The following GNAQ variants were observed in gnomAD, a reference collection of about 807,000 sequenced individuals.
GNAQ encodes the protein guanine nucleotide-binding protein G(q) subunit alpha.
Under a neutral mutation model 43.9 loss-of-function variants are expected in GNAQ, and 8 were observed. The observed-to-expected ratio is 0.18, with a 90% CI of 0.11 to 0.33. The LOEUF is 0.33. GNAQ is among the 10% of genes least tolerant of loss of function. GNAQ has a pLI of 1.00. For synonymous variants in GNAQ, 155 were observed against 170.7 expected (o/e 0.91, Z 0.71); for missense variants, 158 against 450.8 (o/e 0.35, Z 5.88).
At position 77,724,204 on chromosome 9, in the gene GNAQ, T is replaced by C. The variant is rs141104963; in HGVS notation, c.890-2691A>G. 7.7e-3 allele frequency among the ~76,000 whole-genome samples: 1,175 copies of C among 152,226 alleles called. 21 individuals are homozygous for C. The highest frequency in any genetic ancestry group is 0.027 in the African/African-American group (1,116 of 41,530). On this transcript the variant is annotated intron_variant, in intron 6 of 6. Coordinates refer to ENST00000286548, the MANE Select transcript of GNAQ (RefSeq NM_002072.5). The stretch of plus-strand genomic sequence containing the variant: ...CCAAGCAATAAGAAACTTTTTTTTT[T>C]CCTTGAGACAGAGTTTCACTGTGTT...
chr9:77,909,571 T>C (rs1828765745), intron 2 of GNAQ, among the ~76,000 whole-genome samples: 1 of 152,036 alleles, frequency 6.6e-6, no homozygotes, highest in Admixed American at 6.6e-5. Context: ...CAGAAGCAGA[T>C]AACCTACCAG....
intron 6 of GNAQ, among the ~76,000 whole-genome samples, chr9:77,722,797 T>C (rs1236707954): frequency 1.3e-5 from 2 of 151,908 alleles, no homozygotes; most frequent in African/African-American, 2.4e-5. Context: ...GCTGAAACTA[T>C]AGGTGCCACC....
At chr9:78,005,896 G>A (rs1391971856) in intron 1 of GNAQ, among the ~76,000 whole-genome samples, 2 of 152,154 alleles carry the variant, frequency 1.3e-5, no homozygotes, top group Non-Finnish European at 2.9e-5. Flanking sequence ...ATCGGCCAAC[G>A]GAAAAGGGTA....
chr9:77,760,663 C>A (rs1316649303), intron 5 of GNAQ, among the ~76,000 whole-genome samples: 33 of 151,874 alleles, frequency 2.2e-4, no homozygotes, highest in Non-Finnish European at 4.0e-4. Flanking sequence ...TCTGCCTGGC[C>A]ACCCATCATC....
At chr9:77,864,583 G>C (rs1827918353) in intron 2 of GNAQ, among the ~76,000 whole-genome samples, 1 of 152,070 alleles carries the variant, frequency 6.6e-6, no homozygotes, top group African/African-American at 2.4e-5. Context: ...TGGAGTAACA[G>C]GACACAAGCC....
intron 2 of GNAQ, among the ~76,000 whole-genome samples, chr9:77,904,575 GC>G (rs1828672956): frequency 6.6e-6 from 1 of 151,842 alleles, no homozygotes; most frequent in South Asian, 2.1e-4. Context: ...CTCATGATCT[GC>G]CCGCCTCGGC....
At chr9:77,911,927 T>C (rs891207775) in intron 2 of GNAQ, among the ~76,000 whole-genome samples, 2 of 152,174 alleles carry the variant, frequency 1.3e-5, no homozygotes, top group Non-Finnish European at 2.9e-5. Flanking sequence ...TACTAAGCTA[T>C]GCAGCTAACA....
At position 77,752,857 on chromosome 9, in the gene GNAQ, C is replaced by T. The variant is rs564680748; in HGVS notation, c.736-24190G>A. On this transcript the variant is annotated intron_variant, in intron 5 of 6. Coordinates refer to ENST00000286548, the MANE Select transcript of GNAQ (RefSeq NM_002072.5). ...ATCCCAGCACTCTGGGAGGCCAAGG[C>T]AGGCAGATCATGAAGTCAGGAGATT... Among the ~76,000 whole-genome samples, 69 of 152,068 alleles carry T rather than the reference C, an allele frequency of 4.5e-4. 1 individual carries two copies. Among genetic ancestry groups the T allele is most frequent in the African/African-American group, 1.6e-3 (68 of 41,464 alleles).
intron 2 of GNAQ, among the ~76,000 whole-genome samples, chr9:77,916,507 T>A (rs746855202): frequency 6.6e-6 from 1 of 152,164 alleles, no homozygotes; most frequent in Non-Finnish European, 1.5e-5. Context: ...ATTCAGGAAG[T>A]ACAGAAAATT....
chr9:77,995,215 G>A (rs907709788), intron 1 of GNAQ, among the ~76,000 whole-genome samples: 2 of 152,184 alleles, frequency 1.3e-5, no homozygotes, highest in Non-Finnish European at 1.5e-5. Flanking sequence ...TTGGGGCAAA[G>A]AGAAGCCTTG....
chr9:77,931,780 C>T (rs1420449230), intron 1 of GNAQ, among the ~76,000 whole-genome samples: 2 of 152,186 alleles, frequency 1.3e-5, no homozygotes, highest in Admixed American at 6.5e-5. Context: ...AAGCCTGCTT[C>T]TTCATCTGCA....
At chr9:77,952,764 CTTAA>C (rs1417811954) in intron 1 of GNAQ, among the ~76,000 whole-genome samples, 1 of 152,062 alleles carries the variant, frequency 6.6e-6, no homozygotes, top group Non-Finnish European at 1.5e-5. Flanking sequence ...CCTTGTATTG[CTTAA>C]TTATTCATTG....
intron 2 of GNAQ, among the ~76,000 whole-genome samples, chr9:77,866,642 T>A (rs1410427431): frequency 6.6e-6 from 1 of 152,156 alleles, no homozygotes; most frequent in East Asian, 1.9e-4. Context: ...CACAGTAACT[T>A]TAGATGCATA....
chr9:77,862,784 T>C (rs900386097), intron 2 of GNAQ, among the ~76,000 whole-genome samples: 6 of 152,242 alleles, frequency 3.9e-5, no homozygotes, highest in African/African-American at 9.6e-5. Context: ...TTCTATCACA[T>C]TGTCAGACTA....
At chr9:77,838,494 GA>G (rs1303471141) in intron 2 of GNAQ, among the ~76,000 whole-genome samples, 1 of 151,844 alleles carries the variant, frequency 6.6e-6, no homozygotes, top group Non-Finnish European at 1.5e-5. Flanking sequence ...TTTGTGTTAT[GA>G]AATCTGTGTG....
intron 2 of GNAQ, among the ~76,000 whole-genome samples, chr9:77,870,471 G>A (rs1269575561): frequency 4.6e-5 from 7 of 151,544 alleles, no homozygotes; most frequent in East Asian, 3.9e-4. Context: ...GACTACAGGC[G>A]CCTGCCAAGG....
intron 1 of GNAQ, among the ~76,000 whole-genome samples, chr9:77,974,630 C>T (rs1257401480): frequency 1.3e-5 from 2 of 152,162 alleles, no homozygotes; most frequent in Non-Finnish European, 1.5e-5. Flanking sequence ...TAATGGCCTG[C>T]ACTTTCAACA....
At chr9:77,981,832 CTGCTGCTCAATTTTACCTTGA>C (rs1189323697) in intron 1 of GNAQ, among the ~76,000 whole-genome samples, 1 of 152,234 alleles carries the variant, frequency 6.6e-6, no homozygotes, top group Non-Finnish European at 1.5e-5. Context: ...CATTTTCACT[CTGCTGCTCAATTTTACCTTGA>C]TTGGAATTCC....
intron 1 of GNAQ, among the ~76,000 whole-genome samples, chr9:77,967,391 T>G (rs1360395721): frequency 6.6e-6 from 1 of 152,200 alleles, no homozygotes; most frequent in East Asian, 1.9e-4. Flanking sequence ...ATTTAGGTTC[T>G]GCTCTTGTTG....
Sources: allele counts gnomAD v4.1 joint callset (sites outside exome capture counted in the v4.1 genomes callset), GRCh38; gene constraint gnomAD v4.1.1; transcripts MANE v1.5; gene names NCBI Gene and HGNC (gene_info 2026-07-23, HGNC 2026-07-21).